Variants in MET observed in about 807,000 individuals in gnomAD.
The protein encoded by MET is hepatocyte growth factor receptor.
MET carries 48 observed loss-of-function variants against 133.1 expected under a neutral mutation model. That is an observed-to-expected ratio of 0.36 (90% CI 0.29 to 0.46). The LOEUF (loss-of-function observed/expected upper bound fraction) is 0.46, where lower values mean the gene tolerates loss of function less well. MET is among the 20% of genes least tolerant of loss of function. The pLI is 1.00. For missense variants in MET, 1,442 were observed against 1,695.9 expected (o/e 0.85, Z 2.63); for synonymous variants, 628 against 616.5 (o/e 1.02, Z -0.28).
At chr7:116,774,757 G>A (rs2117028187) in intron 14 of MET, 124 bp from the exon 15 acceptor site, 2 of 741,924 alleles carry the variant, frequency 2.7e-6, no homozygotes, top group Non-Finnish European at 4.6e-6. Context: ...ATATAACTTA[G>A]TATCTTTTCC....
chr7:116,790,984 G>A lies in MET; in HGVS notation c.3799-4671G>A, dbSNP rs181718280. ...TCCCAACTATTCAGGAGGCTGCGGC[G>A]GGACAGTTGCTTGAACCCTGGATGC... On this transcript the variant is annotated intron_variant, in intron 19 of 20. Transcript: ENST00000397752. Among the ~76,000 whole-genome samples the A allele has an allele frequency of 1.1e-3, 161 of 152,208 alleles. 2 individuals carry two copies. The highest frequency in any genetic ancestry group is 8.7e-3 in the South Asian group (42 of 4,814).
At chr7:116,715,596 C>A (rs768452749) in intron 2 of MET, among the ~76,000 whole-genome samples, 9 of 152,190 alleles carry the variant, frequency 5.9e-5, no homozygotes, top group African/African-American at 2.2e-4. Flanking sequence ...AGACATTATT[C>A]GGCCTACTGT....
At chr7:116,785,824 A>G (rs1288361160) in intron 19 of MET, among the ~76,000 whole-genome samples, 2 of 150,950 alleles carry the variant, frequency 1.3e-5, no homozygotes, top group Non-Finnish European at 3.0e-5. Context: ...ATTAGCAAAG[A>G]TATATGCTCA....
chr7:116,726,871 G>A (rs910537104), intron 2 of MET, among the ~76,000 whole-genome samples: 2 of 152,202 alleles, frequency 1.3e-5, no homozygotes, highest in African/African-American at 4.8e-5. Context: ...AGACCAGAAG[G>A]CCAGTGAGGA....
Position 116,797,938 on chromosome 7 carries a change from A to G in MET, c.*1814A>G. The G allele has an allele frequency of 4.5e-6, 1 of 221,694 alleles. No individual in the cohort carries two copies. 13.7% of individuals were successfully genotyped at this position (221,694 alleles called of 1,614,324 possible). On this transcript the variant is annotated 3_prime_UTR_variant, in exon 21 of 21. Coordinates refer to ENST00000397752, the MANE Select transcript of MET (RefSeq NM_000245.4). Reference sequence around the variant, plus strand: ...CTAAAAGCTCTCTGATAGTGCAGAGACTTACCAGAAGACACAAGGAATTGT... The same window carrying G: ...CTAAAAGCTCTCTGATAGTGCAGAGGCTTACCAGAAGACACAAGGAATTGT...
At chr7:116,745,560 T>C (rs1419597462) in intron 5 of MET, among the ~76,000 whole-genome samples, 1 of 152,182 alleles carries the variant, frequency 6.6e-6, no homozygotes, top group Non-Finnish European at 1.5e-5. Flanking sequence ...CAAAACAGCA[T>C]GGTACTGGCA....
chr7:116,728,289 C>T (rs1246387116), intron 2 of MET, among the ~76,000 whole-genome samples: 4 of 152,078 alleles, frequency 2.6e-5, no homozygotes, highest in Non-Finnish European at 2.9e-5. Context: ...TCTATATTTA[C>T]AAATTTTATT....
Position 116,700,040 on chromosome 7 carries a change from C to T in MET, c.956C>T (p.Ala319Val), listed in dbSNP as rs1791510135. 1 of 1,613,802 alleles carries T rather than the reference C, an allele frequency of 6.2e-7. No homozygotes were observed. Among genetic ancestry groups the T allele is most frequent in the South Asian group, 1.1e-5 (1 of 91,040 alleles). The change falls in exon 2 of 21, where the codon GCT becomes GTT. Residue 319 changes from alanine to valine, a missense_variant. Coordinates refer to ENST00000397752, the MANE Select transcript of MET (RefSeq NM_000245.4). ...TKKEVFNILQAAYVSKPGAQL... is the reference protein window; with the variant it reads ...TKKEVFNILQVAYVSKPGAQL... ...AAGGAAGTGTTTAATATACTTCAGGCTGCGTATGTCAGCAAGCCTGGGGCC... is the reference window on the plus strand; with the variant it reads ...AAGGAAGTGTTTAATATACTTCAGGTTGCGTATGTCAGCAAGCCTGGGGCC...
intron 5 of MET, among the ~76,000 whole-genome samples, chr7:116,742,357 G>A (rs1051129105): frequency 9.2e-5 from 14 of 152,128 alleles, no homozygotes; most frequent in Non-Finnish European, 2.9e-5. Flanking sequence ...TAGTATTTGT[G>A]TACTTTTTTG....
chr7:116,678,745 A>T (rs1411291039), intron 1 of MET, among the ~76,000 whole-genome samples: 1 of 152,068 alleles, frequency 6.6e-6, no homozygotes, highest in African/African-American at 2.4e-5. Context: ...GTGTATCTAG[A>T]CCAGCATTTT....
intron 16 of MET, among the ~76,000 whole-genome samples, chr7:116,777,857 A>G (rs1405398824): frequency 6.6e-6 from 1 of 152,222 alleles, no homozygotes; most frequent in Non-Finnish European, 1.5e-5. Flanking sequence ...TTTAACCACA[A>G]CTTCCATTAA....
chr7:116,797,381 A>C lies in MET; in HGVS notation c.*1257A>C, dbSNP rs1451771202. ...GGTTCCCACCTCGCAAGCAATTGGA[A>C]ACAAAACTTTTGGGGAGTTTTATTT... On this transcript the variant is annotated 3_prime_UTR_variant, in exon 21 of 21. Coordinates refer to ENST00000397752, the MANE Select transcript of MET (RefSeq NM_000245.4). 1 of 229,026 alleles carries C rather than the reference A, an allele frequency of 4.4e-6. No individual in the cohort carries two copies. The highest frequency in any genetic ancestry group is 8.7e-6 in the Non-Finnish European group (1 of 115,384). 14.2% of individuals were successfully genotyped at this position (229,026 alleles called of 1,614,324 possible).
chr7:116,762,213 T>C (rs754247965), intron 10 of MET, among the ~76,000 whole-genome samples: 1 of 152,190 alleles, frequency 6.6e-6, no homozygotes, highest in African/African-American at 2.4e-5. Context: ...GGTTTCAGTA[T>C]AAAATATGTC....
chr7:116,716,497 GAAAGAA>G (rs1792234080), intron 2 of MET, among the ~76,000 whole-genome samples: 1 of 148,368 alleles, frequency 6.7e-6, no homozygotes, highest in Admixed American at 6.7e-5. Context: ...AAGAAAGAAA[GAAAGAA>G]AGAAAGAAAG....
At chr7:116,715,520 A>G (rs768481976) in intron 2 of MET, among the ~76,000 whole-genome samples, 29 of 152,198 alleles carry the variant, frequency 1.9e-4, no homozygotes, top group Non-Finnish European at 3.8e-4. Flanking sequence ...AACTAATCAC[A>G]TATCAAAGAG....
At chr7:116,795,610 T>C in intron 19 of MET, 45 bp from the exon 20 acceptor site, 1 of 1,612,212 alleles carries the variant, frequency 6.2e-7, no homozygotes, top group South Asian at 1.1e-5. Context: ...CATATATGTA[T>C]GGTCACATCT....
chr7:116,704,837 C>A (rs182167415), intron 2 of MET, among the ~76,000 whole-genome samples: 145 of 152,194 alleles, frequency 9.5e-4, no homozygotes, highest in Non-Finnish European at 1.7e-3. Context: ...ATCTTGCATT[C>A]AAGAATTTGC....
intron 2 of MET, among the ~76,000 whole-genome samples, chr7:116,720,340 C>T (rs1042381614): frequency 5.0e-5 from 7 of 140,518 alleles, no homozygotes; most frequent in Middle Eastern, 6.5e-3. Context: ...GATTTTGTAT[C>T]CTGAGACTTT....
intron 2 of MET, among the ~76,000 whole-genome samples, chr7:116,704,007 A>G (rs1416492385): frequency 6.6e-6 from 1 of 152,096 alleles, no homozygotes; most frequent in East Asian, 1.9e-4. Flanking sequence ...ATTTTCGCCA[A>G]CATCTTGATG....
Sources: gnomAD v4.1 joint callset for allele counts (sites outside exome capture counted in the v4.1 genomes callset) on GRCh38, gnomAD v4.1.1 for gene constraint, MANE v1.5 for transcripts, NCBI Gene and HGNC (gene_info 2026-07-23, HGNC 2026-07-21) for gene names.